Variants in PCDHA7 observed in about 807,000 individuals in gnomAD.
PCDHA7 encodes protocadherin alpha 7.
Under a neutral mutation model 57.2 loss-of-function variants are expected in PCDHA7, and 37 were observed. The observed-to-expected ratio is 0.65, with a 90% CI of 0.50 to 0.85. The LOEUF (loss-of-function observed/expected upper bound fraction) is 0.85, where lower values mean the gene tolerates loss of function less well. PCDHA7 is among the 40% of genes least tolerant of loss of function. The pLI is 0.00. For synonymous variants in PCDHA7, 553 were observed against 558.8 expected (o/e 0.99, Z 0.15); for missense variants, 1,188 against 1,241.8 (o/e 0.96, Z 0.65).
At position 140,982,704 on chromosome 5, in the gene PCDHA7, C is replaced by T. The variant is rs1393323812; in HGVS notation, c.2503+141C>T. ...CTTTTTTCCATACATACATGATTTCCTTACATATATGATTATTTTGATTTT... is the reference window on the plus strand; with the variant it reads ...CTTTTTTCCATACATACATGATTTCTTTACATATATGATTATTTTGATTTT... On this transcript the variant is annotated intron_variant, in intron 3 of 3. Coordinates refer to ENST00000525929, the MANE Select transcript of PCDHA7 (RefSeq NM_018910.3). 8 of 1,377,410 alleles carry T rather than the reference C, an allele frequency of 5.8e-6. No homozygotes were observed. In the African/African-American group the frequency reaches 1.2e-4, roughly 20 times the overall value. The allele number at this position is 1,377,410 out of a possible 1,614,324, so 85.3% of individuals were successfully genotyped here. A position where few individuals can be genotyped will look rare whatever the true frequency, so the allele number is the denominator to read the frequency against.
At chr5:140,848,593 A>G in intron 1 of PCDHA7, 1 of 1,593,964 alleles carries the variant, frequency 6.3e-7, no homozygotes, top group Non-Finnish European at 8.6e-7. Flanking sequence ...CAGCTCCACT[A>G]CTCCGTCCCG....
chr5:140,871,309 C>G (rs1554165416), intron 1 of PCDHA7: 1 of 1,614,028 alleles, frequency 6.2e-7, no homozygotes. Flanking sequence ...GCCGGGGAAG[C>G]CCACGCTGGT....
intron 1 of PCDHA7, chr5:140,930,401 T>G (rs1554207785): frequency 6.6e-6 from 1 of 152,210 alleles, no homozygotes; most frequent in African/African-American, 2.4e-5. Context: ...TTCTTTTTTT[T>G]TTTTGAGACA....
chr5:140,900,380 C>T (rs554914375), intron 1 of PCDHA7, among the ~76,000 whole-genome samples: 2 of 152,208 alleles, frequency 1.3e-5, no homozygotes, highest in Admixed American at 6.5e-5. Flanking sequence ...TGGGTTCAAG[C>T]GATTCTCCTG....
At chr5:140,856,778 C>T (rs782280474) in intron 1 of PCDHA7, 2 of 1,596,260 alleles carry the variant, frequency 1.3e-6, no homozygotes, top group Admixed American at 3.4e-5. Context: ...CTTTGACAGA[C>T]CGGTTTATGA....
chr5:140,912,900 T>A (rs979059809), intron 1 of PCDHA7, among the ~76,000 whole-genome samples: 1 of 152,264 alleles, frequency 6.6e-6, no homozygotes, highest in Non-Finnish European at 1.5e-5. Context: ...ATATGATGTA[T>A]CATATTGATT....
intron 1 of PCDHA7, chr5:140,968,614 A>T: frequency 6.2e-7 from 1 of 1,614,142 alleles, no homozygotes; most frequent in Non-Finnish European, 8.5e-7. Context: ...ACTCTGGGCA[A>T]AATGCTTGGC....
At chr5:140,849,200 C>A (rs2150432715) in intron 1 of PCDHA7, 44 of 1,040,882 alleles carry the variant, frequency 4.2e-5, no homozygotes, top group Non-Finnish European at 5.3e-5. Context: ...TACTGGACAA[C>A]AATGACAATG....
At chr5:140,851,088 A>G in intron 1 of PCDHA7, 2 of 1,298,258 alleles carry the variant, frequency 1.5e-6, no homozygotes, top group Non-Finnish European at 2.0e-6. Flanking sequence ...TGTATATTAA[A>G]TAGATATTTT....
intron 1 of PCDHA7, among the ~76,000 whole-genome samples, chr5:140,965,088 G>A (rs1390840466): frequency 4.6e-5 from 7 of 152,196 alleles, no homozygotes; most frequent in Non-Finnish European, 8.8e-5. Context: ...CTTTGTTCCA[G>A]TCCATAGCTA....
At chr5:140,843,373 T>C (rs2150358583) in intron 1 of PCDHA7, 5 of 1,596,150 alleles carry the variant, frequency 3.1e-6, no homozygotes, top group Non-Finnish European at 2.6e-6. Flanking sequence ...GGCAGTCGGC[T>C]GGCGTTTTGG....
At chr5:140,878,358 A>G (rs2057559820) in intron 1 of PCDHA7, among the ~76,000 whole-genome samples, 1 of 152,254 alleles carries the variant, frequency 6.6e-6, no homozygotes, top group Non-Finnish European at 1.5e-5. Context: ...TATAAATGAT[A>G]TGTCTGACAT....
At chr5:140,871,649 G>T (rs781859029) in intron 1 of PCDHA7, 1 of 1,265,824 alleles carries the variant, frequency 7.9e-7, no homozygotes, top group Admixed American at 2.9e-5. Flanking sequence ...AATACCAAAT[G>T]ATACACATCT....
chr5:141,000,462 T>C (rs1554257607), intron 3 of PCDHA7, among the ~76,000 whole-genome samples: 1 of 139,384 alleles, frequency 7.2e-6, no homozygotes, highest in Non-Finnish European at 1.5e-5. Flanking sequence ...AGTTTTGCTC[T>C]TGTTGCCCAA....
intron 1 of PCDHA7, chr5:140,843,364 G>A: frequency 3.1e-6 from 5 of 1,596,132 alleles, no homozygotes; most frequent in Non-Finnish European, 4.3e-6. Context: ...CGTCATCGAG[G>A]CAGTCGGCTG....
chr5:140,873,262 G>T (rs1196053156), intron 1 of PCDHA7, among the ~76,000 whole-genome samples: 1 of 152,136 alleles, frequency 6.6e-6, no homozygotes, highest in Non-Finnish European at 1.5e-5. Context: ...ACTCAAAAGT[G>T]ATTAAACCAT....
chr5:140,852,495 C>T (rs2042351013), intron 1 of PCDHA7: 1 of 241,812 alleles, frequency 4.1e-6, no homozygotes, highest in Non-Finnish European at 7.2e-6. Context: ...CCAGGTTGGT[C>T]TCGAACTCCT....
intron 1 of PCDHA7, among the ~76,000 whole-genome samples, chr5:140,893,581 T>C (rs1224207477): frequency 1.3e-5 from 2 of 152,216 alleles, no homozygotes; most frequent in African/African-American, 4.8e-5. Context: ...TTTTTGCTTG[T>C]TTGGGAAATA....
chr5:140,898,905 C>T (rs1313193763), intron 1 of PCDHA7, among the ~76,000 whole-genome samples: 5 of 152,060 alleles, frequency 3.3e-5, no homozygotes, highest in South Asian at 2.1e-4. Context: ...AGGTCCTTCA[C>T]GTCCCTTGTA....
Sources: gnomAD v4.1 joint callset for allele counts (sites outside exome capture counted in the v4.1 genomes callset) on GRCh38, gnomAD v4.1.1 for gene constraint, MANE v1.5 for transcripts, NCBI Gene and HGNC (gene_info 2026-07-23, HGNC 2026-07-21) for gene names.